The following BSN variants were observed in gnomAD, a reference collection of about 807,000 sequenced individuals.
BSN encodes bassoon presynaptic cytomatrix protein.
Under a neutral mutation model 264.8 loss-of-function variants are expected in BSN, and 57 were observed. The ratio of observed to expected loss-of-function variants is 0.22; its 90% CI spans 0.17 to 0.27. BSN has a LOEUF of 0.27. BSN is among the 10% of genes least tolerant of loss of function. The pLI is 1.00. For synonymous variants in BSN, 2,059 were observed against 2,137.3 expected (o/e 0.96, Z 1.01); for missense variants, 4,615 against 5,232.5 (o/e 0.88, Z 3.64).
rs2052473465 is a variant in BSN at position 49,642,710 on chromosome 3, C to A, written c.1076C>A (p.Thr359Asn). ...TTCGGCCTTGGCGCGTCACTGCTAA[C>A]CCAGGCGAGCACCCTCATGTCTGTG... ...KLFGLGASLLTQASTLMSVQP... is the reference protein window; with the variant it reads ...KLFGLGASLLNQASTLMSVQP... The change falls in exon 3 of 12, where the codon ACC (threonine) becomes AAC (asparagine). Residue 359 changes from threonine (T) to asparagine (N), a missense_variant. Coordinates refer to ENST00000296452, the MANE Select transcript of BSN (RefSeq NM_003458.4). The surrounding 1 kb of genome is among the most constrained non-coding windows in gnomAD (Gnocchi z 7.0). 6.2e-7 allele frequency: 1 copy of A among 1,613,512 alleles called. No homozygotes were observed. The highest frequency in any genetic ancestry group is 8.5e-7 in the Non-Finnish European group (1 of 1,179,984).
At position 49,657,077 on chromosome 3, in the gene BSN, T is replaced by C. The variant is rs769299703; in HGVS notation, c.7521T>C (p.His2507=). 3 of 1,609,668 alleles carry C rather than the reference T, an allele frequency of 1.9e-6. No homozygotes were observed. Among genetic ancestry groups the C allele is most frequent in the Non-Finnish European group, 2.5e-6 (3 of 1,177,384 alleles). ...QNGQYWPPLT[H]AAFIAMAGPE... ...GCCAGTATTGGCCCCCCCTTACACA[T>C]GCAGCCTTCATTGCCATGGCAGGGC... Residue 2507 remains histidine (H), a synonymous_variant, in exon 5 of 12, where the codon CAT becomes CAC. Transcript: ENST00000296452.
intron 1 of BSN, among the ~76,000 whole-genome samples, chr3:49,577,658 G>A (rs1055899661): frequency 6.6e-6 from 1 of 151,740 alleles, no homozygotes; most frequent in Non-Finnish European, 1.5e-5. Context: ...TCCTGCCTCG[G>A]CCTCCCAAGT....
chr3:49,594,483 A>T (rs1044280364), intron 1 of BSN, among the ~76,000 whole-genome samples: 3 of 152,228 alleles, frequency 2.0e-5, no homozygotes, highest in African/African-American at 7.2e-5. Flanking sequence ...AATTTAGTAT[A>T]GCTGTGTGGA....
At chr3:49,571,164 T>G (rs995017757) in intron 1 of BSN, among the ~76,000 whole-genome samples, 2 of 151,950 alleles carry the variant, frequency 1.3e-5, no homozygotes, top group African/African-American at 4.8e-5. Context: ...ACACTGTGCT[T>G]TTTTTTTAAT....
At chr3:49,648,090 ATC>A (rs1230263531) in intron 3 of BSN, among the ~76,000 whole-genome samples, 5 of 152,262 alleles carry the variant, frequency 3.3e-5, no homozygotes, top group African/African-American at 1.2e-4. Flanking sequence ...CACAGGTAAC[ATC>A]TCTGCTGAGA....
At chr3:49,608,493 G>A (rs2052177572) in intron 1 of BSN, among the ~76,000 whole-genome samples, 1 of 152,138 alleles carries the variant, frequency 6.6e-6, no homozygotes, top group African/African-American at 2.4e-5. Flanking sequence ...TCTTGAGATG[G>A]CATTTTTAAA....
At chr3:49,593,810 T>G (rs1285266663) in intron 1 of BSN, among the ~76,000 whole-genome samples, 2 of 147,374 alleles carry the variant, frequency 1.4e-5, no homozygotes, top group South Asian at 2.1e-4. Context: ...TTTTTGTTTT[T>G]TTTTTTTTTT....
chr3:49,617,283 T>TTTTATATA (rs1260747649), intron 1 of BSN, among the ~76,000 whole-genome samples: 26 of 122,078 alleles, frequency 2.1e-4, no homozygotes, highest in African/African-American at 7.5e-4. Context: ...ATAAAATACA[T>TTTTATATA]TATATATATA....
chr3:49,659,876 G>C (rs563068809), intron 5 of BSN, among the ~76,000 whole-genome samples: 1 of 152,314 alleles, frequency 6.6e-6, no homozygotes, highest in Admixed American at 6.5e-5. Context: ...AGAGGGCAGT[G>C]CAGGGCACTA....
chr3:49,574,768 C>G (rs560544688), intron 1 of BSN, among the ~76,000 whole-genome samples: 74 of 150,994 alleles, frequency 4.9e-4, no homozygotes, highest in African/African-American at 1.6e-3. Flanking sequence ...GTAGCTGGGA[C>G]TACAGGCGTG....
In BSN at chr3:49,669,782, A is replaced by C. The variant is rs1355750743; in HGVS notation, c.*2297A>C. 6.6e-6 allele frequency: 1 copy of C among 152,432 alleles called. No individual in the cohort carries two copies. The highest frequency in any genetic ancestry group is 1.5e-5 in the Non-Finnish European group (1 of 68,062). 9.4% of individuals were successfully genotyped at this position (152,432 alleles called of 1,614,324 possible). ...GAAGTTTCTCAATAGCAAATCTTAC[A>C]GAAGGTCCTGTGTGACCCTCTCTGC... On this transcript the variant is annotated 3_prime_UTR_variant, in exon 12 of 12. Coordinates refer to ENST00000296452, the MANE Select transcript of BSN (RefSeq NM_003458.4).
intron 1 of BSN, among the ~76,000 whole-genome samples, chr3:49,578,681 C>T (rs2051867393): frequency 6.6e-6 from 1 of 152,062 alleles, no homozygotes; most frequent in East Asian, 1.9e-4. Context: ...GCTGGGATTA[C>T]AGGTGTGAAC....
chr3:49,563,122 T>C (rs1294407345), intron 1 of BSN, among the ~76,000 whole-genome samples: 1 of 152,242 alleles, frequency 6.6e-6, no homozygotes, highest in Non-Finnish European at 1.5e-5. Context: ...GTAGCAGCTC[T>C]AAATGAAGAG....
Position 49,660,948 on chromosome 3 carries a change from T to C in BSN, c.9103T>C (p.Phe3035Leu). ...CTTPAGQFVD[F>L]PATAAAPATP... ...CACTCCCGCTGGCCAGTTTGTGGAC[T>C]TCCCTGCCACTGCCGCTGCTCCTGC... is the stretch of plus-strand genomic sequence containing the variant. Residue 3035 changes from phenylalanine to leucine, a missense_variant, in exon 6 of 12, where the codon TTC (phenylalanine) becomes CTC (leucine). Transcript: ENST00000296452. This position sits in a 1 kb window ranked among gnomAD's most constrained non-coding sequence, Gnocchi z 7.1. 6.2e-7 allele frequency: 1 copy of C among 1,611,814 alleles called. No homozygotes were observed. The highest frequency in any genetic ancestry group is 8.5e-7 in the Non-Finnish European group (1 of 1,179,922).
Position 49,638,127 on chromosome 3 carries a change from T to C in BSN, c.634-4141T>C, listed in dbSNP as rs1241826877. ...GCTTCTTGTCACACTGGTAAAAGGA[T>C]AGTCCCTCTGATTCTGATGGAGAGC... On this transcript the variant is annotated intron_variant, in intron 2 of 11. Coordinates refer to ENST00000296452, the MANE Select transcript of BSN (RefSeq NM_003458.4). This position sits in a 1 kb window ranked among gnomAD's most constrained non-coding sequence, Gnocchi z 4.3. 2.0e-5 allele frequency among the ~76,000 whole-genome samples: 3 copies of C among 152,182 alleles called. No individual in the cohort carries two copies. The highest frequency in any genetic ancestry group is 7.2e-5 in the African/African-American group (3 of 41,444).
chr3:49,662,392 C>G lies in BSN; in HGVS notation c.10547C>G (p.Pro3516Arg), dbSNP rs777909750. The G allele has an allele frequency of 3.7e-6, 6 of 1,613,466 alleles. No homozygotes were observed. The East Asian group carries it at 1.3e-4, about 36-fold the overall frequency. Reference sequence around the variant, plus strand: ...GTCAGTCCTTTGGGGAGGCCCCGCCCTGCCGGAGGGCCCCTCCCTCCCGGC... The same window carrying G: ...GTCAGTCCTTTGGGGAGGCCCCGCCGTGCCGGAGGGCCCCTCCCTCCCGGC... The part of the protein sequence containing the change: ...SPVSPLGRPR[P>R]AGGPLPPGGD... Residue 3516 changes from proline to arginine, a missense_variant, in exon 6 of 12, where the codon CCT (proline) becomes CGT (arginine). By Grantham distance (103) the Pro-to-Arg change is moderately radical. Around this residue, in one of 3 missense-constraint regions of BSN, gnomAD observed 3,415 missense variants for 3,866.4 expected, o/e 0.88. Coordinates refer to ENST00000296452, the MANE Select transcript of BSN (RefSeq NM_003458.4).
rs1460365712 is a variant in BSN at position 49,658,103 on chromosome 3, C to T, written c.8547C>T (p.Ser2849=). 2.5e-6 allele frequency: 4 copies of T among 1,613,020 alleles called. No homozygotes were observed. In the Admixed American group the frequency reaches 5.0e-5, roughly 20 times the overall value. Residue 2849 remains serine (S), a synonymous_variant, in exon 5 of 12, where the codon TCC becomes TCT. Coordinates refer to ENST00000296452, the MANE Select transcript of BSN (RefSeq NM_003458.4). ...GCCCCATGAAGACCCTGCAGCGGTC[C>T]CTGTCTGACCCTAAGCCCCTCAGCC... ...LPRPMKTLQR[S]LSDPKPLSPT...
In BSN at chr3:49,554,785, T is replaced by G; in HGVS notation, c.183T>G (p.Pro61=). Reference sequence around the variant, plus strand: ...GGTCGACCGCGGTACCACCGGTCCCTGGCCCCGGCCCCGGCCCCGGTCCCG... The same window carrying G: ...GGTCGACCGCGGTACCACCGGTCCCGGGCCCCGGCCCCGGCCCCGGTCCCG... ...AARSTAVPPV[P]GPGPGPGPGP... is the part of the protein sequence containing the mutation. The change falls in exon 1 of 12, where the codon CCT becomes CCG. Residue 61 remains proline (P), a synonymous_variant. Coordinates refer to ENST00000296452, the MANE Select transcript of BSN (RefSeq NM_003458.4). The G allele has an allele frequency of 8.3e-7, 1 of 1,211,506 alleles. No individual in the cohort carries two copies. Among genetic ancestry groups the G allele is most frequent in the Non-Finnish European group, 1.0e-6 (1 of 975,706 alleles). The allele number at this position is 1,211,506 out of a possible 1,614,324, so 75.0% of individuals were successfully genotyped here. A position where few individuals can be genotyped will look rare whatever the true frequency, so the allele number is the denominator to read the frequency against.
At chr3:49,587,346 C>T (rs1388840206) in intron 1 of BSN, among the ~76,000 whole-genome samples, 3 of 152,128 alleles carry the variant, frequency 2.0e-5, no homozygotes, top group East Asian at 3.8e-4. Context: ...AAGACCATAT[C>T]ATCAGTAAAC....
Sources: allele counts gnomAD v4.1 joint callset (sites outside exome capture counted in the v4.1 genomes callset), GRCh38; gene constraint gnomAD v4.1.1; regional missense constraint gnomAD v4.1.1; non-coding constraint Gnocchi (gnomAD v3.1); transcripts MANE v1.5; gene names NCBI Gene and HGNC (gene_info 2026-07-23, HGNC 2026-07-21).